Variants in ALG14 observed in about 807,000 individuals in gnomAD.
ALG14 encodes the protein ALG14 UDP-N-acetylglucosaminyltransferase subunit, also known as UDP-N-acetylglucosamine transferase subunit ALG14.
Under a neutral mutation model 22.8 loss-of-function variants are expected in ALG14, and 17 were observed. The ratio of observed to expected loss-of-function variants is 0.75; its 90% confidence interval spans 0.51 to 1.12. ALG14 has a LOEUF of 1.12. Ranked by LOEUF, ALG14 falls within the 50% of genes most tolerant of loss-of-function variation. The pLI is 0.00. For synonymous variants in ALG14, 89 were observed against 103.7 expected (o/e 0.86, Z 0.86); for missense variants, 288 against 271.8 (o/e 1.06, Z -0.42).
Position 95,072,832 on chromosome 1 carries a change from A to C in ALG14, c.67T>G (p.Trp23Gly). The C allele has an allele frequency of 3.1e-6, 5 of 1,614,140 alleles. No individual in the cohort carries two copies. The highest frequency in any genetic ancestry group is 4.2e-6 in the Non-Finnish European group (5 of 1,180,026). Residue 23 changes from tryptophan to glycine, a missense_variant, in exon 1 of 4, where the codon TGG becomes GGG. Trp to Gly is a radical substitution (Grantham distance 184, BLOSUM62 -2). Coordinates refer to ENST00000370205, the MANE Select transcript of ALG14 (RefSeq NM_144988.4). ...ACGTCCATGGAACGAAGCACTACCC[A>C]TATTCGCAGGATTAGGAAAACCGCC... is the stretch of plus-strand genomic sequence containing the variant. The part of the protein sequence containing the change: ...AVAVFLILRI[W>G]VVLRSMDVTP...
chr1:95,054,150 A>G (rs1000956195), intron 2 of ALG14, among the ~76,000 whole-genome samples: 1 of 152,216 alleles, frequency 6.6e-6, no homozygotes, highest in African/African-American at 2.4e-5. Context: ...TTAACAAGAG[A>G]ATATTATTGA....
Position 94,982,881 on chromosome 1 carries a change from C to T in ALG14, c.*195G>A, listed in dbSNP as rs569443425. On this transcript the variant is annotated 3_prime_UTR_variant, in exon 4 of 4. Coordinates refer to ENST00000370205, the MANE Select transcript of ALG14 (RefSeq NM_144988.4). Reference sequence around the variant, plus strand: ...CAGAGGCATAAACATTTAGTAGTTACGTTTATCAATGTTTGTTTCATAAGA... The same window carrying T: ...CAGAGGCATAAACATTTAGTAGTTATGTTTATCAATGTTTGTTTCATAAGA... 302 of 571,266 alleles carry T rather than the reference C, an allele frequency of 5.3e-4. 9 individuals are homozygous for T. The South Asian group carries it at 6.5e-3, about 12-fold the overall frequency. 35.4% of individuals were successfully genotyped at this position (571,266 alleles called of 1,614,324 possible).
At chr1:95,069,490 G>T (rs936436644) in intron 1 of ALG14, among the ~76,000 whole-genome samples, 1 of 152,126 alleles carries the variant, frequency 6.6e-6, no homozygotes, top group East Asian at 1.9e-4. Context: ...TTTTCTCTTT[G>T]GTGTATGTCT....
chr1:94,983,635 T>C (rs539129096), intron 3 of ALG14: 3 of 222,070 alleles, frequency 1.4e-5, no homozygotes, highest in East Asian at 1.0e-4. Flanking sequence ...TCTGTGGACC[T>C]TGAATGTCAC....
rs545974475 is a variant in ALG14 at position 95,050,105 on chromosome 1, C to T, written c.288+14761G>A. ...GTTGAAAATGTGGATTTTGGCTTCTCACCAGAACCAAGTGTGAATCGATGC... is the reference window on the plus strand; with the variant it reads ...GTTGAAAATGTGGATTTTGGCTTCTTACCAGAACCAAGTGTGAATCGATGC... On this transcript the variant is annotated intron_variant, in intron 2 of 3. Coordinates refer to ENST00000370205, the MANE Select transcript of ALG14 (RefSeq NM_144988.4). Among the ~76,000 whole-genome samples, 28 of 152,284 alleles carry T rather than the reference C, an allele frequency of 1.8e-4. No homozygotes were observed. The South Asian group carries it at 4.6e-3, about 25-fold the overall frequency.
chr1:94,998,090 C>G (rs1045502423), intron 3 of ALG14, among the ~76,000 whole-genome samples: 5 of 152,134 alleles, frequency 3.3e-5, no homozygotes, highest in African/African-American at 1.2e-4. Context: ...GTAATGCACA[C>G]CAAGTTATTT....
At chr1:95,032,962 T>C (rs1674059139) in intron 2 of ALG14, among the ~76,000 whole-genome samples, 1 of 152,088 alleles carries the variant, frequency 6.6e-6, no homozygotes. Context: ...TATATTCTGG[T>C]CTTAAAGTTT....
At chr1:95,047,284 G>A (rs1674593984) in intron 2 of ALG14, among the ~76,000 whole-genome samples, 1 of 152,124 alleles carries the variant, frequency 6.6e-6, no homozygotes, top group South Asian at 2.1e-4. Flanking sequence ...TGGTACAGTG[G>A]TTACTTCTAG....
In ALG14 at chr1:94,981,087, T is replaced by G. The variant is rs1672482251; in HGVS notation, c.*1989A>C. 6.6e-6 allele frequency: 1 copy of G among 152,154 alleles called. No homozygotes were observed. The highest frequency in any genetic ancestry group is 1.5e-5 in the Non-Finnish European group (1 of 68,040). 9.4% of individuals were successfully genotyped at this position (152,154 alleles called of 1,614,324 possible). ...TTACCATTCATTTACCTAGTGCCACTCAGGGAACAAAGTACAGAGCAGAGA... is the reference window on the plus strand; with the variant it reads ...TTACCATTCATTTACCTAGTGCCACGCAGGGAACAAAGTACAGAGCAGAGA... On this transcript the variant is annotated 3_prime_UTR_variant, in exon 4 of 4. Coordinates refer to ENST00000370205, the MANE Select transcript of ALG14 (RefSeq NM_144988.4).
chr1:95,046,277 C>T (rs12724474), intron 2 of ALG14, among the ~76,000 whole-genome samples: 11,514 of 152,176 alleles, frequency 0.076, 503 homozygotes, highest in Non-Finnish European at 0.099. Flanking sequence ...TGTTAGGAAC[C>T]GGGCTGCACG....
In ALG14 at chr1:94,977,193, A is replaced by G. The variant is rs923088852; in HGVS notation, c.*5883T>C. 3 of 152,238 alleles carry G rather than the reference A, an allele frequency of 2.0e-5. No homozygotes were observed. Among genetic ancestry groups the G allele is most frequent in the African/African-American group, 7.2e-5 (3 of 41,452 alleles). 9.4% of individuals were successfully genotyped at this position (152,238 alleles called of 1,614,324 possible). ...ACAGATCACTGACTGACTAAAGAGG[A>G]GATAGGCCGGGCGCAGTGCCGCATG... is the stretch of plus-strand genomic sequence containing the variant. On this transcript the variant is annotated 3_prime_UTR_variant, in exon 4 of 4. Transcript: ENST00000370205.
intron 3 of ALG14, among the ~76,000 whole-genome samples, chr1:95,006,631 C>T (rs556061293): frequency 1.1e-3 from 165 of 152,218 alleles, no homozygotes; most frequent in Non-Finnish European, 2.0e-3. Context: ...TTAGTACCCA[C>T]CTTAGAACCT....
At chr1:95,016,843 G>A (rs898822924) in intron 3 of ALG14, among the ~76,000 whole-genome samples, 1 of 151,850 alleles carries the variant, frequency 6.6e-6, no homozygotes, top group Non-Finnish European at 1.5e-5. Context: ...ACCACCAGAG[G>A]TAAGAGACCA....
chr1:95,056,838 C>T (rs1383227472), intron 2 of ALG14, among the ~76,000 whole-genome samples: 5 of 151,780 alleles, frequency 3.3e-5, no homozygotes, highest in African/African-American at 1.2e-4. Flanking sequence ...GCGGGCGGAT[C>T]ACGTGGTCAG....
chr1:94,990,928 T>G (rs1172237122), intron 3 of ALG14, among the ~76,000 whole-genome samples: 1 of 152,248 alleles, frequency 6.6e-6, no homozygotes, highest in African/African-American at 2.4e-5. Context: ...GCTCTATCGA[T>G]TATTCTGGTC....
rs541741992 is a variant in ALG14 at position 95,038,244 on chromosome 1, T to C, written c.289-10984A>G. On this transcript the variant is annotated intron_variant, in intron 2 of 3. Transcript: ENST00000370205. Reference sequence around the variant, plus strand: ...CTGTAATGCCTGTAATCCCAGCACTTTGGGAGGCCGAGGTGTTTGGATCAC... The same window carrying C: ...CTGTAATGCCTGTAATCCCAGCACTCTGGGAGGCCGAGGTGTTTGGATCAC... Among the ~76,000 whole-genome samples, 9 of 152,262 alleles carry C rather than the reference T, an allele frequency of 5.9e-5. No individual in the cohort carries two copies. The South Asian group carries it at 1.7e-3, about 28-fold the overall frequency.
intron 3 of ALG14, among the ~76,000 whole-genome samples, chr1:94,987,953 T>C (rs549757026): frequency 3.9e-5 from 6 of 152,204 alleles, no homozygotes; most frequent in Non-Finnish European, 8.8e-5. Flanking sequence ...ACAGACTTTC[T>C]GATAGCCTCT....
intron 2 of ALG14, among the ~76,000 whole-genome samples, chr1:95,048,987 A>G (rs1674657865): frequency 6.6e-6 from 1 of 152,180 alleles, no homozygotes; most frequent in Non-Finnish European, 1.5e-5. Flanking sequence ...TGAATTAGGC[A>G]CCTAAAATAT....
intron 2 of ALG14, 126 bp from the exon 3 acceptor site, chr1:95,027,386 TA>T (rs1210447084): frequency 4.3e-6 from 5 of 1,163,830 alleles, no homozygotes; most frequent in Non-Finnish European, 6.0e-6. Flanking sequence ...TAACCACTTT[TA>T]AATTAGAGTT....
Sources: allele counts gnomAD v4.1 joint callset (sites outside exome capture counted in the v4.1 genomes callset), GRCh38; gene constraint gnomAD v4.1.1; transcripts MANE v1.5; gene names NCBI Gene and HGNC (gene_info 2026-07-23, HGNC 2026-07-21).